Variants in CRH observed in about 807,000 individuals in gnomAD.
The protein encoded by CRH is corticotropin-releasing hormone.
A neutral mutation model predicts 11.1 loss-of-function variants in CRH; 6 were observed. That is an observed-to-expected ratio of 0.54 (90% CI 0.30 to 1.07). CRH has a LOEUF of 1.07. CRH is among the 50% of genes least tolerant of loss of function. The pLI, the probability that CRH is intolerant of heterozygous loss-of-function variation, is 0.07. For synonymous variants in CRH, 155 were observed against 132.0 expected (o/e 1.17, Z -1.19); for missense variants, 289 against 269.4 (o/e 1.07, Z -0.51).
chr8:66,177,198 G>C lies in CRH; in HGVS notation c.280C>G (p.Leu94Val). The change falls in exon 2 of 2, where the codon CTC becomes GTC. Residue 94 changes from leucine to valine, a missense_variant. Transcript: ENST00000276571. ...GGGCGGCTGCCGCTGCCTCCGGCGA[G>C]GAGCGAGGAGGCGGGCGAAAGGGGA... is the stretch of plus-strand genomic sequence containing the variant. Reference protein sequence around the residue: ...AAPLSPASSLLAGGSGSRPSP... With the variant: ...AAPLSPASSLVAGGSGSRPSP... The C allele has an allele frequency of 6.5e-7, 1 of 1,541,156 alleles. No individual in the cohort carries two copies. The highest frequency in any genetic ancestry group is 8.7e-7 in the Non-Finnish European group (1 of 1,146,930).
In CRH at chr8:66,177,435, C is replaced by T. The variant is rs1328475775; in HGVS notation, c.43G>A (p.Ala15Thr). The T allele has an allele frequency of 4.5e-6, 7 of 1,538,552 alleles. No individual in the cohort carries two copies. Among genetic ancestry groups the T allele is most frequent in the Non-Finnish European group, 5.2e-6 (6 of 1,147,000 alleles). Residue 15 changes from alanine (A) to threonine (T), a missense_variant, in exon 2 of 2, where the codon GCT becomes ACT. Ala to Thr is a moderately conservative substitution (Grantham distance 58). Transcript: ENST00000276571. ...LLVSAGVLLV[A>T]LLPCPPCRAL... ...CTGCATGGCGGGCAGGGCAGGAGAG[C>T]CACCAGCAGGACTCCCGCGGACACA... is the stretch of plus-strand genomic sequence containing the variant.
At position 66,177,181 on chromosome 8, in the gene CRH, G is replaced by T. The variant is rs1456119289; in HGVS notation, c.297C>A (p.Gly99=). The change falls in exon 2 of 2, where the codon GGC becomes GGA. Residue 99 remains glycine, a synonymous_variant. Transcript: ENST00000276571. The part of the protein sequence containing the change: ...PASSLLAGGS[G]SRPSPEQATA... ...TCGCCTGTTCCGGCGAAGGGCGGCT[G>T]CCGCTGCCTCCGGCGAGGAGCGAGG... is the stretch of plus-strand genomic sequence containing the variant. The T allele has an allele frequency of 6.5e-7, 1 of 1,541,334 alleles. No individual in the cohort carries two copies.
At position 66,176,729 on chromosome 8, in the gene CRH, T is replaced by G; in HGVS notation, c.*158A>C. The G allele has an allele frequency of 1.2e-6, 1 of 834,422 alleles. No individual in the cohort carries two copies. The highest frequency in any genetic ancestry group is 3.7e-5 in the Admixed American group (1 of 27,118). The allele number at this position is 834,422 out of a possible 1,614,324, so 51.7% of individuals were successfully genotyped here. On this transcript the variant is annotated 3_prime_UTR_variant, in exon 2 of 2. Coordinates refer to ENST00000276571, the MANE Select transcript of CRH (RefSeq NM_000756.4). ...GCACGTGAATACACTTTGTGCATGCTAAGTAAGGGGTATAGGCTCTCTCCC... is the reference window on the plus strand; with the variant it reads ...GCACGTGAATACACTTTGTGCATGCGAAGTAAGGGGTATAGGCTCTCTCCC...
Position 66,177,186 on chromosome 8 carries a change from T to A in CRH, c.292A>T (p.Ser98Cys). ...SPASSLLAGG[S>C]GSRPSPEQAT... ...TGTTCCGGCGAAGGGCGGCTGCCGC[T>A]GCCTCCGGCGAGGAGCGAGGAGGCG... Residue 98 changes from serine to cysteine, a missense_variant, in exon 2 of 2, where the codon AGC becomes TGC. By Grantham distance (112) the Ser-to-Cys change is moderately radical (BLOSUM62 -1). Around this residue, in one of 2 missense-constraint regions of CRH, gnomAD observed 261 missense variants for 219.0 expected, o/e 1.19. Coordinates refer to ENST00000276571, the MANE Select transcript of CRH (RefSeq NM_000756.4). 1 of 1,541,188 alleles carries A rather than the reference T, an allele frequency of 6.5e-7. No homozygotes were observed.
intron 1 of CRH, among the ~76,000 whole-genome samples, 171 bp from the exon 2 acceptor site, chr8:66,177,662 A>C (rs1010249945): frequency 1.5e-4 from 23 of 152,082 alleles, no homozygotes; most frequent in African/African-American, 5.3e-4. Flanking sequence ...CGCGGTGCTG[A>C]AGCGCCTGGG....
chr8:66,176,721 G>A lies in CRH; in HGVS notation c.*166C>T. 1 of 757,868 alleles carries A rather than the reference G, an allele frequency of 1.3e-6. No homozygotes were observed. Among genetic ancestry groups the A allele is most frequent in the South Asian group, 3.1e-5 (1 of 32,668 alleles). The allele number at this position is 757,868 out of a possible 1,614,324, so 46.9% of individuals were successfully genotyped here. A position where few individuals can be genotyped will look rare whatever the true frequency, so the allele number is the denominator to read the frequency against. On this transcript the variant is annotated 3_prime_UTR_variant, in exon 2 of 2. Transcript: ENST00000276571. The stretch of plus-strand genomic sequence containing the variant: ...TTGCTGCTGCACGTGAATACACTTT[G>A]TGCATGCTAAGTAAGGGGTATAGGC...
Position 66,177,380 on chromosome 8 carries a change from C to G in CRH, c.98G>C (p.Gly33Ala). The G allele has an allele frequency of 7.1e-6, 11 of 1,540,890 alleles. No individual in the cohort carries two copies. The highest frequency in any genetic ancestry group is 9.6e-6 in the Non-Finnish European group (11 of 1,147,184). ...RALLSRGPVP[G>A]ARQAPQHPQP... ...AGGGTGCTGCGGCGCCTGCCGAGCT[C>G]CCGGGACCGGCCCGCGGCTCAGGAG... The change falls in exon 2 of 2, where the codon GGA (glycine) becomes GCA (alanine). Residue 33 changes from glycine (G) to alanine (A), a missense_variant. Physicochemically the swap from Gly to Ala is moderately conservative, Grantham distance 60. Transcript: ENST00000276571.
rs1811914452 is a variant in CRH at position 66,177,175 on chromosome 8, G to C, written c.303C>G (p.Arg101=). The change falls in exon 2 of 2, where the codon CGC becomes CGG. Residue 101 remains arginine (R), a synonymous_variant. Coordinates refer to ENST00000276571, the MANE Select transcript of CRH (RefSeq NM_000756.4). ...SSLLAGGSGS[R]PSPEQATANF... is the part of the protein sequence containing the mutation. ...TGGCGGTCGCCTGTTCCGGCGAAGG[G>C]CGGCTGCCGCTGCCTCCGGCGAGGA... 5 of 1,541,024 alleles carry C rather than the reference G, an allele frequency of 3.2e-6. No homozygotes were observed. The highest frequency in any genetic ancestry group is 2.4e-5 in the East Asian group (1 of 40,922).
chr8:66,177,702 C>T (rs1309758219), intron 1 of CRH, among the ~76,000 whole-genome samples: 1 of 152,180 alleles, frequency 6.6e-6, no homozygotes, highest in Non-Finnish European at 1.5e-5. Flanking sequence ...CTGCAGGGCT[C>T]CGCACCTAAG....
Position 66,177,527 on chromosome 8 carries a change from G to C in CRH, c.-14-36C>G, listed in dbSNP as rs1219834468. 5 of 1,501,902 alleles carry C rather than the reference G, an allele frequency of 3.3e-6. No homozygotes were observed. In the South Asian group the frequency reaches 6.4e-5, roughly 19 times the overall value. 93.0% of individuals were successfully genotyped at this position (1,501,902 alleles called of 1,614,324 possible). ...GAGGTGGGCGGAGGGCGGAATGAGA[G>C]AGGGGAAGAGAGAAAGAAAGAGTTG... On this transcript the variant is annotated intron_variant, in intron 1 of 1. Coordinates refer to ENST00000276571, the MANE Select transcript of CRH (RefSeq NM_000756.4).
chr8:66,177,582 A>T (rs1811926411), intron 1 of CRH, 91 bp from the exon 2 acceptor site: 3 of 1,438,610 alleles, frequency 2.1e-6, no homozygotes, highest in Admixed American at 4.9e-5. Flanking sequence ...GGAGGTGCAC[A>T]CGGGGTCTTC....
chr8:66,177,281 A>G lies in CRH; in HGVS notation c.197T>C (p.Leu66Pro). The change falls in exon 2 of 2, where the codon CTC becomes CCC. Residue 66 changes from leucine (L) to proline (P), a missense_variant. By Grantham distance (98) the Leu-to-Pro change is moderately conservative. Transcript: ENST00000276571. Reference protein sequence around the residue: ...PQQPQARPVLLRMGEEYFLRL... With the variant: ...PQQPQARPVLPRMGEEYFLRL... ...GAGGAAGTACTCCTCTCCCATGCGGAGCAGGACCGGCCGAGCCTGCGGCTG... is the reference window on the plus strand; with the variant it reads ...GAGGAAGTACTCCTCTCCCATGCGGGGCAGGACCGGCCGAGCCTGCGGCTG... 1.3e-6 allele frequency: 2 copies of G among 1,549,822 alleles called. No homozygotes were observed. Among genetic ancestry groups the G allele is most frequent in the Non-Finnish European group, 1.7e-6 (2 of 1,151,730 alleles).
At position 66,176,699 on chromosome 8, in the gene CRH, C is replaced by T; in HGVS notation, c.*188G>A. On this transcript the variant is annotated 3_prime_UTR_variant, in exon 2 of 2. Transcript: ENST00000276571. Reference sequence around the variant, plus strand: ...AGACAAAACGAATAACATTGTGTTGCTGCTGCACGTGAATACACTTTGTGC... The same window carrying T: ...AGACAAAACGAATAACATTGTGTTGTTGCTGCACGTGAATACACTTTGTGC... 1 of 592,260 alleles carries T rather than the reference C, an allele frequency of 1.7e-6. No individual in the cohort carries two copies. The highest frequency in any genetic ancestry group is 2.6e-6 in the Non-Finnish European group (1 of 385,744). 36.7% of individuals were successfully genotyped at this position (592,260 alleles called of 1,614,324 possible).
At chr8:66,178,097 C>A (rs935888258) in intron 1 of CRH, among the ~76,000 whole-genome samples, 196 bp downstream of exon 1, 1 of 152,044 alleles carries the variant, frequency 6.6e-6, no homozygotes, top group Non-Finnish European at 1.5e-5. Flanking sequence ...TCCGCGAACA[C>A]GCGCGCACAC....
intron 1 of CRH, 83 bp from the exon 2 acceptor site, chr8:66,177,574 A>T: frequency 6.9e-7 from 1 of 1,458,528 alleles, no homozygotes; most frequent in Non-Finnish European, 9.0e-7. Context: ...CTCAGCTGGG[A>T]GGTGCACACG....
intron 1 of CRH, among the ~76,000 whole-genome samples, chr8:66,177,777 C>G (rs1372379409): frequency 6.6e-6 from 1 of 152,198 alleles, no homozygotes; most frequent in Non-Finnish European, 1.5e-5. Context: ...TCCCTGCGTC[C>G]TCTTCCTAAC....
rs1157735726 is a variant in CRH at position 66,178,275 on chromosome 8, C to T, written c.-15+18G>A. ...GCAACGCAAAGTTGGTGGCGTGTTC[C>T]GTCCAGGCGCTCCCTACCTTCCCAG... On this transcript the variant is annotated intron_variant, in intron 1 of 1. Coordinates refer to ENST00000276571, the MANE Select transcript of CRH (RefSeq NM_000756.4). The T allele has an allele frequency of 1.3e-5, 2 of 152,394 alleles. No homozygotes were observed. The highest frequency in any genetic ancestry group is 6.5e-5 in the Admixed American group (1 of 15,290). The allele number at this position is 152,394 out of a possible 1,614,324, so 9.4% of individuals were successfully genotyped here.
chr8:66,176,932 C>T lies in CRH; in HGVS notation c.546G>A (p.Gln182=). ...LEMARAEQLA[Q]QAHSNRKLME... ...TGAGTTTCCTGTTGCTGTGAGCTTG[C>T]TGTGCTAACTGCTCGGCCCTGGCCA... Residue 182 remains glutamine, a synonymous_variant, in exon 2 of 2, where the codon CAG becomes CAA. Transcript: ENST00000276571. 1 of 1,612,056 alleles carries T rather than the reference C, an allele frequency of 6.2e-7. No homozygotes were observed. The highest frequency in any genetic ancestry group is 8.5e-7 in the Non-Finnish European group (1 of 1,178,810).
chr8:66,177,586 G>T (rs1586279506), intron 1 of CRH, 95 bp from the exon 2 acceptor site: 3 of 1,433,400 alleles, frequency 2.1e-6, no homozygotes, highest in South Asian at 1.4e-5. Flanking sequence ...GTGCACACGG[G>T]GTCTTCCTAC....
Sources: gnomAD v4.1 joint callset for allele counts (sites outside exome capture counted in the v4.1 genomes callset) on GRCh38, gnomAD v4.1.1 for gene constraint, gnomAD v4.1.1 regional missense constraint, MANE v1.5 for transcripts, NCBI Gene and HGNC (gene_info 2026-07-23, HGNC 2026-07-21) for gene names.